The following TRIM48 variants were observed in gnomAD, a reference collection of about 807,000 sequenced individuals.
TRIM48 encodes tripartite motif containing 48, also known as E3 ubiquitin-protein ligase TRIM48.
Under a neutral mutation model 29.5 loss-of-function variants are expected in TRIM48, and 31 were observed. The observed-to-expected ratio is 1.05, with a 90% confidence interval of 0.79 to 1.42. The LOEUF (loss-of-function observed/expected upper bound fraction) is 1.42, where lower values mean the gene tolerates loss of function less well. TRIM48 is among the 40% of genes most tolerant of loss of function. TRIM48 has a pLI of 0.00. For missense variants in TRIM48, 344 were observed against 265.0 expected (o/e 1.30, Z -2.07); for synonymous variants, 128 against 90.6 (o/e 1.41, Z -2.34).
rs528457660 is a variant in TRIM48 at position 55,270,530 on chromosome 11, C to T, written c.*95C>T. The T allele has an allele frequency of 5.3e-5, 84 of 1,581,596 alleles. 5 individuals carry two copies. The highest frequency in any genetic ancestry group is 7.2e-5 in the South Asian group (6 of 83,558). ...TGTATTGGATGTGACCGTCAAAATC[C>T]GCCCCATATCACTGCAACACCTACA... On this transcript the variant is annotated 3_prime_UTR_variant, in exon 6 of 6. Transcript: ENST00000417545.
In TRIM48 at chr11:55,271,065, A is replaced by C. The variant is rs902129325; in HGVS notation, c.*630A>C. The C allele has an allele frequency of 4.9e-6, 6 of 1,218,456 alleles. 2 individuals carry two copies. The highest frequency in any genetic ancestry group is 6.7e-6 in the Non-Finnish European group (6 of 889,062). The allele number at this position is 1,218,456 out of a possible 1,614,324, so 75.5% of individuals were successfully genotyped here. A position where few individuals can be genotyped will look rare whatever the true frequency, so the allele number is the denominator to read the frequency against. ...ATGTCTTGAATTGCATTCTAATGTT[A>C]TTAAAACTCATTTATTGTGTTACTA... is the stretch of plus-strand genomic sequence containing the variant. On this transcript the variant is annotated 3_prime_UTR_variant, in exon 6 of 6. Coordinates refer to ENST00000417545, the MANE Select transcript of TRIM48 (RefSeq NM_024114.5).
At position 55,262,529 on chromosome 11, in the gene TRIM48, G is replaced by A. The variant is rs190341335; in HGVS notation, c.44+218G>A. Reference sequence around the variant, plus strand: ...AGTTTTGAAAAAATGAAAATATCTAGTGTTTGCTGCAACAGATATGTATGC... The same window carrying A: ...AGTTTTGAAAAAATGAAAATATCTAATGTTTGCTGCAACAGATATGTATGC... On this transcript the variant is annotated intron_variant, in intron 1 of 5. Coordinates refer to ENST00000417545, the MANE Select transcript of TRIM48 (RefSeq NM_024114.5). Among the ~76,000 whole-genome samples the A allele has an allele frequency of 8.5e-5, 13 of 152,068 alleles. No individual in the cohort carries two copies. In the East Asian group the frequency reaches 2.3e-3, roughly 27 times the overall value.
intron 1 of TRIM48, among the ~76,000 whole-genome samples, chr11:55,263,098 A>G (rs1361405856): frequency 6.6e-6 from 1 of 152,188 alleles, no homozygotes; most frequent in Non-Finnish European, 1.5e-5. Flanking sequence ...AGATACATTC[A>G]TGAGCCATTT....
In TRIM48 at chr11:55,270,557, G is replaced by C; in HGVS notation, c.*122G>C. The C allele has an allele frequency of 1.3e-6, 2 of 1,583,404 alleles. No homozygotes were observed. Among genetic ancestry groups the C allele is most frequent in the African/African-American group, 2.7e-5 (2 of 73,580 alleles). Reference sequence around the variant, plus strand: ...CCCCATATCACTGCAACACCTACAAGTTTTCTTGCATGGGGTGCTCAGACT... The same window carrying C: ...CCCCATATCACTGCAACACCTACAACTTTTCTTGCATGGGGTGCTCAGACT... On this transcript the variant is annotated 3_prime_UTR_variant, in exon 6 of 6. Transcript: ENST00000417545.
rs200511293 is a variant in TRIM48, at chr11:55,265,110, A to G, written c.255A>G (p.Arg85=). 6.3e-7 allele frequency: 1 copy of G among 1,582,770 alleles called. No individual in the cohort carries two copies. Among genetic ancestry groups the G allele is most frequent in the Non-Finnish European group, 8.6e-7 (1 of 1,166,112 alleles). ...AGAGAAACCTCAAAACTAACATTCG[A>G]TTGAAGAAGATGGCTTCCCTTGCCA... ...IQQRNLKTNI[R]LKKMASLARK... The change falls in exon 2 of 6, where the codon CGA becomes CGG. Residue 85 remains arginine, a synonymous_variant. Coordinates refer to ENST00000417545, the MANE Select transcript of TRIM48 (RefSeq NM_024114.5).
At chr11:55,269,682 G>A (rs1220386598) in intron 5 of TRIM48, among the ~76,000 whole-genome samples, 1 of 147,248 alleles carries the variant, frequency 6.8e-6, no homozygotes, top group Non-Finnish European at 1.5e-5. Flanking sequence ...TTTCTTTGGT[G>A]TATTCATTTG....
At chr11:55,269,365 C>A (rs768998136) in intron 5 of TRIM48, 26 bp downstream of exon 5, 1 of 1,565,800 alleles carries the variant, frequency 6.4e-7, no homozygotes, top group East Asian at 2.4e-5. Flanking sequence ...CAGGCAGCAC[C>A]CCCACTATCT....
At position 55,262,655 on chromosome 11, in the gene TRIM48, A is replaced by G. The variant is rs58480225; in HGVS notation, c.44+344A>G. 4.1e-3 allele frequency among the ~76,000 whole-genome samples: 630 copies of G among 152,266 alleles called. 3 individuals carry two copies. The highest frequency in any genetic ancestry group is 0.015 in the African/African-American group (615 of 41,566). On this transcript the variant is annotated intron_variant, in intron 1 of 5. Transcript: ENST00000417545. The stretch of plus-strand genomic sequence containing the variant: ...ATTAATATTATACAATTGAATTGAG[A>G]AGACATTAATGAATGTTCATTCATT...
In TRIM48 at chr11:55,264,849, G is replaced by A. The variant is rs200353781; in HGVS notation, c.45-51G>A. 1.0e-5 allele frequency: 16 copies of A among 1,578,592 alleles called. 1 individual carries two copies. Among genetic ancestry groups the A allele is most frequent in the African/African-American group, 6.8e-5 (5 of 73,388 alleles). Reference sequence around the variant, plus strand: ...ATCACTTATCTCCACATGTTCAGAAGCTTTTCATCAACCCAGACCCCAAAA... The same window carrying A: ...ATCACTTATCTCCACATGTTCAGAAACTTTTCATCAACCCAGACCCCAAAA... On this transcript the variant is annotated intron_variant, in intron 1 of 5. Transcript: ENST00000417545.
chr11:55,265,162 A>G lies in TRIM48; in HGVS notation c.307A>G (p.Ser103Gly). Residue 103 changes from serine to glycine, a missense_variant, in exon 2 of 6, where the codon AGC (serine) becomes GGC (glycine). Transcript: ENST00000417545. ...ARKASLWLFL[S>G]SEEQMCGIHR... is the part of the protein sequence containing the mutation. ...AAAAGCCAGTCTCTGGCTATTCCTG[A>G]GCTCTGAGGAGCAAATGTGTGGCAT... 6.3e-7 allele frequency: 1 copy of G among 1,582,780 alleles called. No homozygotes were observed. Among genetic ancestry groups the G allele is most frequent in the Non-Finnish European group, 8.6e-7 (1 of 1,166,154 alleles).
At chr11:55,262,358 A>G in intron 1 of TRIM48, 47 bp downstream of exon 1, 5 of 1,341,114 alleles carry the variant, frequency 3.7e-6, no homozygotes, top group African/African-American at 1.5e-5. Context: ...TTCCTTTACA[A>G]AATAATAAAT....
chr11:55,269,400 A>G lies in TRIM48; in HGVS notation c.*1+61A>G, dbSNP rs1023986116. 25 of 1,534,092 alleles carry G rather than the reference A, an allele frequency of 1.6e-5. 4 individuals are homozygous for G. In the African/African-American group the frequency reaches 1.8e-4, roughly 11 times the overall value. On this transcript the variant is annotated intron_variant, in intron 5 of 5. Transcript: ENST00000417545. ...TAAATATTATTATTGTTAGGATCAC[A>G]TAGGTAATATTTCATCCTTTATCAA...
intron 2 of TRIM48, 121 bp downstream of exon 2, chr11:55,265,435 T>C: frequency 2.0e-6 from 3 of 1,505,406 alleles, no homozygotes; most frequent in East Asian, 5.2e-5. Context: ...CTTTTGGGCT[T>C]TCTTAGCTTC....
At position 55,262,267 on chromosome 11, in the gene TRIM48, T is replaced by C. The variant is rs1857313270; in HGVS notation, c.-1T>C. The C allele has an allele frequency of 1.9e-6, 3 of 1,548,746 alleles. No homozygotes were observed. Among genetic ancestry groups the C allele is most frequent in the Admixed American group, 3.9e-5 (2 of 50,940 alleles). ...GACCTTGAGGAGTACTTAACAGAATTATGTCTCGAAGAATCATTGTGGGAA... is the reference window on the plus strand; with the variant it reads ...GACCTTGAGGAGTACTTAACAGAATCATGTCTCGAAGAATCATTGTGGGAA... On this transcript the variant is annotated 5_prime_UTR_variant, in exon 1 of 6. Transcript: ENST00000417545.
intron 2 of TRIM48, 98 bp downstream of exon 2, chr11:55,265,412 T>C (rs1215656354): frequency 6.5e-7 from 1 of 1,536,478 alleles, no homozygotes; most frequent in Non-Finnish European, 8.8e-7. Flanking sequence ...TCTGAGTCCC[T>C]TTAAGCAACT....
At chr11:55,264,159 T>C (rs1188645021) in intron 1 of TRIM48, among the ~76,000 whole-genome samples, 1 of 121,920 alleles carries the variant, frequency 8.2e-6, no homozygotes, top group Non-Finnish European at 1.8e-5. Flanking sequence ...AATCCTACTA[T>C]ATGTTAGTTC....
In TRIM48 at chr11:55,265,028, A is replaced by G. The variant is rs769127053; in HGVS notation, c.173A>G (p.Asn58Ser). The G allele has an allele frequency of 1.3e-6, 2 of 1,584,274 alleles. No individual in the cohort carries two copies. Among genetic ancestry groups the G allele is most frequent in the Non-Finnish European group, 1.7e-6 (2 of 1,166,252 alleles). Residue 58 changes from asparagine (N) to serine (S), a missense_variant, in exon 2 of 6, where the codon AAC becomes AGC. Asn to Ser is a conservative substitution (Grantham distance 46). Transcript: ENST00000417545. The stretch of plus-strand genomic sequence containing the variant: ...TTTTGCAGGCCCTGTTTCTACCTCA[A>G]CTGGCAAGACATCCCAATTCTTACT... ...HSFCRPCFYL[N>S]WQDIPILTQC...
chr11:55,266,253 G>T (rs186425779), intron 3 of TRIM48, among the ~76,000 whole-genome samples: 2 of 147,540 alleles, frequency 1.4e-5, no homozygotes, highest in African/African-American at 5.0e-5. Flanking sequence ...TGTCTTGAGG[G>T]AGACATGCAA....
At chr11:55,262,783 T>C (rs1199238976) in intron 1 of TRIM48, among the ~76,000 whole-genome samples, 1 of 146,324 alleles carries the variant, frequency 6.8e-6, no homozygotes, top group Non-Finnish European at 1.5e-5. Context: ...CATCCCAGTT[T>C]GGAAATCAAA....
Sources: gnomAD v4.1 joint callset for allele counts (sites outside exome capture counted in the v4.1 genomes callset) on GRCh38, gnomAD v4.1.1 for gene constraint, MANE v1.5 for transcripts, NCBI Gene and HGNC (gene_info 2026-07-23, HGNC 2026-07-21) for gene names.